Variants in TRERF1 observed in about 807,000 individuals in gnomAD.
TRERF1 encodes transcriptional-regulating factor 1.
In TRERF1, 27 loss-of-function variants were observed where a neutral mutation model predicts 122.9. That is an observed-to-expected ratio of 0.22 (90% CI 0.16 to 0.30). The LOEUF (loss-of-function observed/expected upper bound fraction) is 0.30. Among genes scored for constraint, TRERF1 ranks in the 10% least tolerant of loss-of-function variants. The pLI is 1.00. For synonymous variants in TRERF1, 636 were observed against 641.7 expected (o/e 0.99, Z 0.13); for missense variants, 1,248 against 1,560.3 (o/e 0.80, Z 3.37).
chr6:42,263,284 T>C lies in TRERF1; in HGVS notation c.1884+36A>G. On this transcript the variant is annotated intron_variant, in intron 8 of 17. Coordinates refer to ENST00000372922, the Ensembl canonical transcript of TRERF1. This position sits in a 1 kb window ranked among gnomAD's most constrained non-coding sequence, Gnocchi z 5.6. ...CAGCAGGCGTGCGGGGGGCAGCCCC[T>C]TGGGGTGAGTGTGGGGGAGAGAGGG... is the stretch of plus-strand genomic sequence containing the variant. 6.3e-7 allele frequency: 1 copy of C among 1,586,038 alleles called. No homozygotes were observed. Among genetic ancestry groups the C allele is most frequent in the Non-Finnish European group, 8.6e-7 (1 of 1,164,090 alleles).
Position 42,390,884 on chromosome 6 carries a change from G to A in TRERF1, c.-453-27805C>T, listed in dbSNP as rs557391287. Among the ~76,000 whole-genome samples the A allele has an allele frequency of 1.1e-4, 16 of 152,214 alleles. No homozygotes were observed. The South Asian group carries it at 2.3e-3, about 22-fold the overall frequency. ...CCACAGACCAAGAAATACACGAGCC[G>A]GCTCTGCAGGTTACTAGGGCCTCTC... is the stretch of plus-strand genomic sequence containing the variant. On this transcript the variant is annotated intron_variant, in intron 2 of 17. Coordinates refer to ENST00000372922, the Ensembl canonical transcript of TRERF1.
At chr6:42,400,016 G>A (rs114457753) in intron 2 of TRERF1, among the ~76,000 whole-genome samples, 1 of 152,176 alleles carries the variant, frequency 6.6e-6, no homozygotes, top group Non-Finnish European at 1.5e-5. Context: ...GAGTCACTGT[G>A]AGACTGTGGA....
At chr6:42,322,428 A>C (rs1332189514) in intron 3 of TRERF1, among the ~76,000 whole-genome samples, 1 of 152,140 alleles carries the variant, frequency 6.6e-6, no homozygotes, top group Non-Finnish European at 1.5e-5. Context: ...GGGCCAGGAG[A>C]CTAATTTTTA....
intron 4 of TRERF1, among the ~76,000 whole-genome samples, chr6:42,287,418 C>T (rs1783457062): frequency 6.6e-6 from 1 of 152,028 alleles, no homozygotes; most frequent in Non-Finnish European, 1.5e-5. Flanking sequence ...TGTTTAGAGA[C>T]GATGTGGAAA....
intron 14 of TRERF1, among the ~76,000 whole-genome samples, chr6:42,244,980 G>A (rs1446442501): frequency 1.3e-5 from 2 of 152,236 alleles, no homozygotes; most frequent in Non-Finnish European, 2.9e-5. Flanking sequence ...CCTACATGGT[G>A]AGATGAGAGG....
chr6:42,282,196 G>C (rs1717585698), intron 4 of TRERF1, among the ~76,000 whole-genome samples: 1 of 152,136 alleles, frequency 6.6e-6, no homozygotes, highest in Admixed American at 6.5e-5. Flanking sequence ...TAACCATAAG[G>C]GATTGATTGA....
chr6:42,225,569 A>AT (rs1769405024), exon 18 of TRERF1: 1 of 152,044 alleles, frequency 6.6e-6, no homozygotes, highest in African/African-American at 2.4e-5. Flanking sequence ...TAAGCACACT[A>AT]GATATTATGA....
At chr6:42,364,136 T>C (rs1482753278) in intron 2 of TRERF1, among the ~76,000 whole-genome samples, 1 of 152,166 alleles carries the variant, frequency 6.6e-6, no homozygotes, top group Non-Finnish European at 1.5e-5. Context: ...TGACCTCTTC[T>C]CCTCCTACTC....
At chr6:42,336,752 C>G (rs1028992375) in intron 3 of TRERF1, among the ~76,000 whole-genome samples, 1 of 152,170 alleles carries the variant, frequency 6.6e-6, no homozygotes, top group Non-Finnish European at 1.5e-5. Flanking sequence ...ACTGGAGAGT[C>G]AGCAGCCTTG....
rs1776446217 is a variant in TRERF1, at chr6:42,254,832, A to T, written c.2656+19T>A. On this transcript the variant is annotated intron_variant, in intron 13 of 17. Coordinates refer to ENST00000372922, the Ensembl canonical transcript of TRERF1. ...CCGTCGTCAGGAGGCAACAGGACAC[A>T]GGGCTCCTGGCAACCTACCGGCATA... is the stretch of plus-strand genomic sequence containing the variant. 1.2e-6 allele frequency: 2 copies of T among 1,613,192 alleles called. No homozygotes were observed. Among genetic ancestry groups the T allele is most frequent in the Non-Finnish European group, 1.7e-6 (2 of 1,179,104 alleles).
At chr6:42,344,573 C>T (rs1767911687) in intron 3 of TRERF1, among the ~76,000 whole-genome samples, 1 of 152,164 alleles carries the variant, frequency 6.6e-6, no homozygotes, top group Non-Finnish European at 1.5e-5. Flanking sequence ...TGCTTGAGTG[C>T]TCAAGCCCGG....
At chr6:42,266,142 G>C (rs1427900652) in intron 5 of TRERF1, among the ~76,000 whole-genome samples, 11 of 151,708 alleles carry the variant, frequency 7.3e-5, no homozygotes, top group Admixed American at 7.2e-4. Context: ...ACAGAAGAAA[G>C]AGGTGGGAGA....
At chr6:42,414,745 G>A (rs909403590) in intron 2 of TRERF1, among the ~76,000 whole-genome samples, 1 of 152,046 alleles carries the variant, frequency 6.6e-6, no homozygotes, top group Admixed American at 6.6e-5. Context: ...TGTTTCACAC[G>A]GTGTCAAAAC....
At chr6:42,322,818 G>C (rs942278775) in intron 3 of TRERF1, among the ~76,000 whole-genome samples, 1 of 152,086 alleles carries the variant, frequency 6.6e-6, no homozygotes, top group Non-Finnish European at 1.5e-5. Flanking sequence ...AGAGGAAGCA[G>C]GGGGATTAAC....
intron 3 of TRERF1, among the ~76,000 whole-genome samples, chr6:42,332,896 C>T (rs1194286277): frequency 6.6e-6 from 1 of 152,122 alleles, no homozygotes; most frequent in Non-Finnish European, 1.5e-5. Flanking sequence ...CCATGCCCTT[C>T]TGAGCTGAGA....
intron 17 of TRERF1, among the ~76,000 whole-genome samples, chr6:42,231,377 TAA>T (rs1396297127): frequency 6.6e-6 from 1 of 152,216 alleles, no homozygotes; most frequent in Non-Finnish European, 1.5e-5. Context: ...CAAAACAGAC[TAA>T]AACATGTAAA....
In TRERF1 at chr6:42,270,770, T is replaced by C. The variant is rs58700682; in HGVS notation, c.-258-922A>G. On this transcript the variant is annotated intron_variant, in intron 4 of 17. Transcript: ENST00000372922. ...GGCAACACAGCAAGACCTCATCTCT[T>C]TTTTTTTTTTTTTTTTTTTTGAGAT... Among the ~76,000 whole-genome samples, 781 of 130,862 alleles carry C rather than the reference T, an allele frequency of 6.0e-3. 11 individuals carry two copies. The highest frequency in any genetic ancestry group is 0.025 in the African/African-American group (717 of 29,262). The allele number at this position is 130,862 out of a possible 152,430, so 85.9% of individuals were successfully genotyped here.
At chr6:42,411,216 C>T (rs1159416954) in intron 2 of TRERF1, among the ~76,000 whole-genome samples, 1 of 152,216 alleles carries the variant, frequency 6.6e-6, no homozygotes, top group East Asian at 1.9e-4. Flanking sequence ...ATGCCAGCTA[C>T]TAGTTATCAA....
chr6:42,283,383 G>A (rs1782622903), intron 4 of TRERF1, among the ~76,000 whole-genome samples: 1 of 152,086 alleles, frequency 6.6e-6, no homozygotes, highest in African/African-American at 2.4e-5. Context: ...TGAATAATAA[G>A]GGTCAACTAT....
Sources: gnomAD v4.1 joint callset for allele counts (sites outside exome capture counted in the v4.1 genomes callset) on GRCh38, gnomAD v4.1.1 for gene constraint, Gnocchi (gnomAD v3.1) non-coding constraint, MANE v1.5 for transcripts, NCBI Gene and HGNC (gene_info 2026-07-23, HGNC 2026-07-21) for gene names.